Variants in DAPK1 observed in about 807,000 individuals in gnomAD.
DAPK1 encodes the protein death associated protein kinase 1.
DAPK1 carries 56 observed loss-of-function variants against 144.9 expected under a neutral mutation model. The observed-to-expected ratio is 0.39, with a 90% CI of 0.31 to 0.48. The LOEUF is 0.48. Among genes scored for constraint, DAPK1 ranks in the 20% least tolerant of loss-of-function variants. The pLI is 0.95. For missense variants in DAPK1, 1,454 were observed against 1,875.4 expected, an observed-to-expected ratio of 0.78 and a Z score of 4.15; for synonymous variants, 690 against 749.0, an observed-to-expected ratio of 0.92 and a Z score of 1.29.
chr9:87,675,525 C>T (rs1308043191), intron 19 of DAPK1, among the ~76,000 whole-genome samples: 3 of 152,024 alleles, frequency 2.0e-5, no homozygotes, highest in East Asian at 1.9e-4. Flanking sequence ...CGACATGACC[C>T]GAGAGGCGGC....
intron 2 of DAPK1, among the ~76,000 whole-genome samples, chr9:87,518,105 G>A (rs13293610): frequency 2.8e-5 from 1 of 35,614 alleles, no homozygotes; most frequent in Non-Finnish European, 1.1e-4. Flanking sequence ...TTATGTTGTT[G>A]TTTTTTTTTT....
chr9:87,595,237 A>G (rs113258894), intron 2 of DAPK1, among the ~76,000 whole-genome samples: 2,173 of 152,262 alleles, frequency 0.014, 57 homozygotes, highest in African/African-American at 0.049. Flanking sequence ...GCCGAATGCT[A>G]TTGCCCCTCG....
At chr9:87,512,506 G>T (rs1031505255) in intron 2 of DAPK1, among the ~76,000 whole-genome samples, 1 of 152,182 alleles carries the variant, frequency 6.6e-6, no homozygotes, top group Non-Finnish European at 1.5e-5. Context: ...TGGCTGAAAG[G>T]CTGGATTGTT....
At chr9:87,648,929 C>T in intron 15 of DAPK1, 50 bp downstream of exon 15, 2 of 1,473,236 alleles carry the variant, frequency 1.4e-6, no homozygotes, top group Non-Finnish European at 1.9e-6. Context: ...CATGAATGTA[C>T]AGGCAGCCAG....
intron 2 of DAPK1, among the ~76,000 whole-genome samples, chr9:87,538,499 T>C (rs1825934219): frequency 6.6e-6 from 1 of 152,238 alleles, no homozygotes; most frequent in Non-Finnish European, 1.5e-5. Context: ...ATTCTATTAT[T>C]TTCTCACTTT....
chr9:87,616,730 G>T lies in DAPK1; in HGVS notation c.284+11555G>T, dbSNP rs575962313. The stretch of plus-strand genomic sequence containing the variant: ...CTGAAAAGTAAAACAGGGGAGTGGT[G>T]TGAGGACCCTGGAATGGATAACTTC... On this transcript the variant is annotated intron_variant, in intron 3 of 25. Coordinates refer to ENST00000408954, the MANE Select transcript of DAPK1 (RefSeq NM_004938.4). Among the ~76,000 whole-genome samples the T allele has an allele frequency of 2.0e-5, 3 of 152,124 alleles. No homozygotes were observed. In the East Asian group the frequency reaches 5.9e-4, roughly 30 times the overall value.
At chr9:87,634,969 T>A (rs1377852288) in intron 3 of DAPK1, among the ~76,000 whole-genome samples, 2 of 152,266 alleles carry the variant, frequency 1.3e-5, no homozygotes, top group Non-Finnish European at 2.9e-5. Flanking sequence ...GGTCGCTACA[T>A]GTCCTGGAAC....
chr9:87,700,651 A>G (rs1825426060), intron 24 of DAPK1, among the ~76,000 whole-genome samples: 1 of 152,020 alleles, frequency 6.6e-6, no homozygotes, highest in Non-Finnish European at 1.5e-5. Context: ...GGCACGCACC[A>G]CCATGTCTGG....
chr9:87,676,613 A>T (rs1336955721), intron 19 of DAPK1, among the ~76,000 whole-genome samples: 1 of 152,232 alleles, frequency 6.6e-6, no homozygotes, highest in Non-Finnish European at 1.5e-5. Context: ...CTGTAAGTCT[A>T]GATCAGCGCA....
intron 21 of DAPK1, among the ~76,000 whole-genome samples, chr9:87,687,680 T>C (rs1008929629): frequency 7.9e-5 from 12 of 152,250 alleles, no homozygotes; most frequent in Non-Finnish European, 1.6e-4. Context: ...CTAGATCATA[T>C]GTTAGCTCAA....
chr9:87,524,286 C>T (rs1249205737), intron 2 of DAPK1, among the ~76,000 whole-genome samples: 4 of 152,224 alleles, frequency 2.6e-5, no homozygotes, highest in African/African-American at 9.6e-5. Context: ...CACTGCATCT[C>T]TCCTCCCACA....
chr9:87,702,066 C>G (rs1194017171), intron 24 of DAPK1, among the ~76,000 whole-genome samples: 2 of 152,136 alleles, frequency 1.3e-5, no homozygotes, highest in East Asian at 1.9e-4. Context: ...GAGCTGGGCT[C>G]TGGCATGATC....
chr9:87,527,131 G>A (rs1825540692), intron 2 of DAPK1, among the ~76,000 whole-genome samples: 1 of 152,216 alleles, frequency 6.6e-6, no homozygotes, highest in African/African-American at 2.4e-5. Flanking sequence ...TAAGAGCAAA[G>A]CCTGGTGTAG....
At chr9:87,572,344 G>A (rs2118756806) in intron 2 of DAPK1, among the ~76,000 whole-genome samples, 1 of 152,292 alleles carries the variant, frequency 6.6e-6, no homozygotes. Flanking sequence ...TCTCCTTGAA[G>A]TCGTGCCGTT....
chr9:87,666,482 T>G (rs901416256), intron 18 of DAPK1, among the ~76,000 whole-genome samples: 12 of 149,608 alleles, frequency 8.0e-5, no homozygotes, highest in South Asian at 4.2e-4. Context: ...TTTTTGTTTT[T>G]TTTTTTTTTG....
intron 2 of DAPK1, among the ~76,000 whole-genome samples, chr9:87,566,912 C>T (rs36232910): frequency 1.3e-5 from 2 of 152,156 alleles, no homozygotes; most frequent in African/African-American, 4.8e-5. Flanking sequence ...TCCCTCCTTG[C>T]AATCACTATG....
chr9:87,568,255 C>A (rs1237628590), intron 2 of DAPK1, among the ~76,000 whole-genome samples: 1 of 152,234 alleles, frequency 6.6e-6, no homozygotes, highest in Non-Finnish European at 1.5e-5. Flanking sequence ...CCAACGCTGC[C>A]AGCTCTTCCA....
In DAPK1 at chr9:87,647,280, T is replaced by C. The variant is rs1015277700; in HGVS notation, c.1231-25T>C. The C allele has an allele frequency of 2.5e-6, 4 of 1,598,038 alleles. No homozygotes were observed. The African/African-American group carries it at 5.4e-5, about 22-fold the overall frequency. On this transcript the variant is annotated intron_variant, in intron 13 of 25. Coordinates refer to ENST00000408954, the MANE Select transcript of DAPK1 (RefSeq NM_004938.4). ...TGGTGCTGTCAGCTCCCTAGAAATGTGACCCCAGGTTGATTTTCCTGCAGG... is the reference window on the plus strand; with the variant it reads ...TGGTGCTGTCAGCTCCCTAGAAATGCGACCCCAGGTTGATTTTCCTGCAGG...
chr9:87,642,507 G>T (rs1587801734), intron 10 of DAPK1, among the ~76,000 whole-genome samples: 1 of 152,080 alleles, frequency 6.6e-6, no homozygotes, highest in African/African-American at 2.4e-5. Context: ...TTTGCAGGGT[G>T]GCCTGTTCTC....
Sources: allele counts gnomAD v4.1 joint callset (sites outside exome capture counted in the v4.1 genomes callset), GRCh38; gene constraint gnomAD v4.1.1; transcripts MANE v1.5; gene names NCBI Gene and HGNC (gene_info 2026-07-23, HGNC 2026-07-21).